The following RPP14 variants were observed in gnomAD, a reference collection of about 807,000 sequenced individuals.
RPP14 encodes the protein ribonuclease P protein subunit p14.
A neutral mutation model predicts 17.8 loss-of-function variants in RPP14; 19 were observed. That is an observed-to-expected ratio of 1.07 (90% CI 0.74 to 1.57). RPP14 has a LOEUF of 1.57. Among genes scored for constraint, RPP14 ranks in the 40% most tolerant of loss-of-function variants. RPP14 has a pLI of 0.00. For synonymous variants in RPP14, 60 were observed against 56.4 expected (o/e 1.06, Z -0.29); for missense variants, 125 against 140.8 (o/e 0.89, Z 0.57).
intron 3 of RPP14, among the ~76,000 whole-genome samples, chr3:58,312,960 CAA>C (rs35853424): frequency 3.5e-3 from 277 of 79,002 alleles, no homozygotes; most frequent in African/African-American, 8.7e-3. Context: ...GACTCTGTCT[CAA>C]AAAAAAAAAA....
rs940421856 is a variant in RPP14 at position 58,318,516 on chromosome 3, A to C, written c.*1020A>C. The C allele has an allele frequency of 6.9e-6, 1 of 144,176 alleles. No homozygotes were observed. Among genetic ancestry groups the C allele is most frequent in the African/African-American group, 2.8e-5 (1 of 35,946 alleles). 8.9% of individuals were successfully genotyped at this position (144,176 alleles called of 1,614,324 possible). A position where few individuals can be genotyped will look rare whatever the true frequency, so the allele number is the denominator to read the frequency against. ...CTACCAAAAAAAAAAAAAAAAAAAA[A>C]GTGCAACTAGCTGTGCTTGGTGACT... On this transcript the variant is annotated 3_prime_UTR_variant, in exon 6 of 6. Coordinates refer to ENST00000295959, the MANE Select transcript of RPP14 (RefSeq NM_007042.6).
intron 3 of RPP14, among the ~76,000 whole-genome samples, chr3:58,312,030 G>A (rs1453443362): frequency 6.6e-6 from 1 of 151,880 alleles, no homozygotes; most frequent in East Asian, 1.9e-4. Context: ...GTGCCACCAC[G>A]CCAATTTTTT....
intron 1 of RPP14, chr3:58,306,790 T>C (rs1420426752): frequency 1.3e-5 from 2 of 152,084 alleles, no homozygotes; most frequent in African/African-American, 4.9e-5. Context: ...CCCAGTGTTT[T>C]AGGGCCTTGG....
chr3:58,310,898 C>A (rs1409109977), intron 3 of RPP14, among the ~76,000 whole-genome samples: 3 of 149,832 alleles, frequency 2.0e-5, no homozygotes, highest in African/African-American at 7.4e-5. Flanking sequence ...CCACTGCACT[C>A]CAGCCTGGCA....
chr3:58,312,332 G>GCA (rs1553724602), intron 3 of RPP14, among the ~76,000 whole-genome samples: 3 of 85,328 alleles, frequency 3.5e-5, no homozygotes, highest in African/African-American at 1.2e-4. Context: ...CACAACCTCC[G>GCA]CACCCCCCCC....
rs1260818315 is a variant in RPP14, at chr3:58,318,337, GGTTTTTTGTTT to G, written c.*853_*863del. 2 of 425,996 alleles carry G rather than the reference GGTTTTTTGTTT, an allele frequency of 4.7e-6. No individual in the cohort carries two copies. The highest frequency in any genetic ancestry group is 8.3e-6 in the Non-Finnish European group (2 of 242,204). 26.4% of individuals were successfully genotyped at this position (425,996 alleles called of 1,614,324 possible). ...TATGCAGGATTTCATTATCTGCCTGGGTTTTTTGTTTGTTTTTTGTTTTTTAATTCAAGAAG... is the reference window on the plus strand; with the variant it reads ...TATGCAGGATTTCATTATCTGCCTGGGTTTTTTGTTTTTTAATTCAAGAAG... On this transcript the variant is annotated 3_prime_UTR_variant, in exon 6 of 6. Transcript: ENST00000295959.
intron 1 of RPP14, among the ~76,000 whole-genome samples, chr3:58,309,307 C>T (rs943009392): frequency 4.6e-4 from 70 of 152,122 alleles, no homozygotes; most frequent in Non-Finnish European, 1.8e-4. Context: ...TCTGGGCACC[C>T]TTGGGCAGAT....
intron 3 of RPP14, among the ~76,000 whole-genome samples, chr3:58,315,495 T>G (rs1024566490): frequency 2.0e-5 from 3 of 152,070 alleles, no homozygotes; most frequent in African/African-American, 7.2e-5. Context: ...GTGGGAAAAT[T>G]ACATAGAGCC....
Position 58,308,241 on chromosome 3 carries a change from C to G in RPP14, c.-22+1824C>G, listed in dbSNP as rs377417159. On this transcript the variant is annotated intron_variant, in intron 1 of 5. Coordinates refer to ENST00000295959, the MANE Select transcript of RPP14 (RefSeq NM_007042.6). ...ATAGGCCTATACCACTATCACTTTT[C>G]TCTCATTTGAATACCTACTTTGTGT... Among the ~76,000 whole-genome samples the G allele has an allele frequency of 1.5e-3, 223 of 152,176 alleles. 1 individual carries two copies. Among genetic ancestry groups the G allele is most frequent in the African/African-American group, 4.7e-3 (197 of 41,512 alleles).
At chr3:58,314,675 A>ATTTTTTTTTTTTTTTTTTTTTTTTTTT (rs751757663) in intron 3 of RPP14, among the ~76,000 whole-genome samples, 4 of 90,562 alleles carry the variant, frequency 4.4e-5, no homozygotes, top group Non-Finnish European at 5.8e-5. Context: ...GTTTGGCAGT[A>ATTTTTTTTTTTTTTTTTTTTTTTTTTT]TTTTTTTTTT....
Position 58,317,926 on chromosome 3 carries a change from T to C in RPP14, c.*430T>C, listed in dbSNP as rs1366961642. The C allele has an allele frequency of 1.4e-6, 1 of 702,758 alleles. No individual in the cohort carries two copies. The highest frequency in any genetic ancestry group is 1.7e-5 in the African/African-American group (1 of 57,238). The allele number at this position is 702,758 out of a possible 1,614,324, so 43.5% of individuals were successfully genotyped here. On this transcript the variant is annotated 3_prime_UTR_variant, in exon 6 of 6. Coordinates refer to ENST00000295959, the MANE Select transcript of RPP14 (RefSeq NM_007042.6). ...AGGAACTAAAATGCCAGGGCCAGGC[T>C]GTGTATTTCTTTCCCAGGAAATTAG...
rs929675021 is a variant in RPP14 at position 58,319,273 on chromosome 3, T to C, written c.*1777T>C. ...GTCTACCTTCAGTGAGACTTGCGTT[T>C]CAGGGGAGGGGCGTATGTGCATCCT... On this transcript the variant is annotated 3_prime_UTR_variant, in exon 6 of 6. Transcript: ENST00000295959. 4 of 152,234 alleles carry C rather than the reference T, an allele frequency of 2.6e-5. No individual in the cohort carries two copies. In the East Asian group the frequency reaches 7.7e-4, roughly 29 times the overall value. 9.4% of individuals were successfully genotyped at this position (152,234 alleles called of 1,614,324 possible).
intron 1 of RPP14, among the ~76,000 whole-genome samples, chr3:58,308,495 G>C (rs1264964025): frequency 2.6e-5 from 4 of 151,592 alleles, no homozygotes; most frequent in Non-Finnish European, 5.9e-5. Context: ...GTCTCACTAT[G>C]TTTCCCAGGC....
In RPP14 at chr3:58,318,940, C is replaced by G. The variant is rs2097491442; in HGVS notation, c.*1444C>G. 1 of 151,410 alleles carries G rather than the reference C, an allele frequency of 6.6e-6. No individual in the cohort carries two copies. The highest frequency in any genetic ancestry group is 1.5e-5 in the Non-Finnish European group (1 of 67,966). The allele number at this position is 151,410 out of a possible 1,614,324, so 9.4% of individuals were successfully genotyped here. On this transcript the variant is annotated 3_prime_UTR_variant, in exon 6 of 6. Transcript: ENST00000295959. ...CTTGAACCTGGGAGGTTGCAGTGAG[C>G]TGAAATCACACCACTGCACTTCAGC...
chr3:58,313,091 G>A (rs1040115117), intron 3 of RPP14, among the ~76,000 whole-genome samples: 1 of 151,610 alleles, frequency 6.6e-6, no homozygotes, highest in Non-Finnish European at 1.5e-5. Context: ...GTGAAACCCT[G>A]TCTCTACTAA....
chr3:58,310,787 G>A (rs1256232324), intron 3 of RPP14, among the ~76,000 whole-genome samples, 196 bp downstream of exon 3: 1 of 151,960 alleles, frequency 6.6e-6, no homozygotes, highest in African/African-American at 2.4e-5. Flanking sequence ...AAGATAAGCT[G>A]GGTGTGGTGG....
Position 58,318,268 on chromosome 3 carries a change from G to C in RPP14, c.*772G>C, listed in dbSNP as rs1334898546. On this transcript the variant is annotated 3_prime_UTR_variant, in exon 6 of 6. Transcript: ENST00000295959. The stretch of plus-strand genomic sequence containing the variant: ...GGAGCAGGAAGAGGGTTGTTCAAAT[G>C]CCCACTTTCCAGTTTGGCCTTATGC... 2 of 554,248 alleles carry C rather than the reference G, an allele frequency of 3.6e-6. No individual in the cohort carries two copies. Among genetic ancestry groups the C allele is most frequent in the Non-Finnish European group, 6.3e-6 (2 of 317,096 alleles). The allele number at this position is 554,248 out of a possible 1,614,324, so 34.3% of individuals were successfully genotyped here. A position where few individuals can be genotyped will look rare whatever the true frequency, so the allele number is the denominator to read the frequency against.
intron 1 of RPP14, among the ~76,000 whole-genome samples, chr3:58,308,475 T>A (rs977154865): frequency 6.7e-6 from 1 of 149,100 alleles, no homozygotes; most frequent in Admixed American, 6.7e-5. Flanking sequence ...TTTTTTTTTT[T>A]AGTGACAGGG....
Position 58,316,887 on chromosome 3 carries a change from A to G in RPP14, c.240-28A>G, listed in dbSNP as rs758175545. 13 of 1,565,832 alleles carry G rather than the reference A, an allele frequency of 8.3e-6. No individual in the cohort carries two copies. In the Admixed American group the frequency reaches 1.7e-4, roughly 20 times the overall value. Reference sequence around the variant, plus strand: ...TCATTTTGTTCTCTGTCTATGACACACTATGTATTTTCTTGATCTTTCTGC... The same window carrying G: ...TCATTTTGTTCTCTGTCTATGACACGCTATGTATTTTCTTGATCTTTCTGC... On this transcript the variant is annotated intron_variant, in intron 4 of 5. Transcript: ENST00000295959.
Sources: gnomAD v4.1 joint callset for allele counts (sites outside exome capture counted in the v4.1 genomes callset) on GRCh38, gnomAD v4.1.1 for gene constraint, MANE v1.5 for transcripts, NCBI Gene and HGNC (gene_info 2026-07-23, HGNC 2026-07-21) for gene names.